The following DAB1 variants were observed in gnomAD, a reference collection of about 807,000 sequenced individuals.
DAB1 encodes disabled homolog 1.
DAB1 carries 15 observed loss-of-function variants against 64.6 expected under a neutral mutation model. That is an observed-to-expected ratio of 0.23 (90% confidence interval 0.16 to 0.36). The LOEUF (loss-of-function observed/expected upper bound fraction) is 0.36. Among genes scored for constraint, DAB1 ranks in the 10% least tolerant of loss-of-function variants. DAB1 has a pLI of 1.00. For synonymous variants in DAB1, 235 were observed against 251.9 expected (o/e 0.93, Z 0.64); for missense variants, 596 against 706.7 (o/e 0.84, Z 1.78).
chr1:57,840,371 A>G (rs1266874717), intron 1 of DAB1, among the ~76,000 whole-genome samples: 1 of 152,226 alleles, frequency 6.6e-6, no homozygotes, highest in Non-Finnish European at 1.5e-5. Context: ...AGTGTATTCC[A>G]GACTGTGAGA....
At chr1:58,349,930 G>A (rs1213939142) in intron 3 of DAB1, among the ~76,000 whole-genome samples, 2 of 152,134 alleles carry the variant, frequency 1.3e-5, no homozygotes, top group African/African-American at 4.8e-5. Context: ...GTGTGCATAT[G>A]TCTTTATAGT....
At chr1:58,365,958 C>T (rs34287588) in intron 3 of DAB1, among the ~76,000 whole-genome samples, 96 of 152,196 alleles carry the variant, frequency 6.3e-4, no homozygotes, top group Non-Finnish European at 8.4e-4. Flanking sequence ...CACTGTCTAG[C>T]GGGCAACGAG....
intron 7 of DAB1, among the ~76,000 whole-genome samples, chr1:57,564,306 C>A (rs1645090112): frequency 6.6e-6 from 1 of 152,100 alleles, no homozygotes; most frequent in Non-Finnish European, 1.5e-5. Flanking sequence ...CATAAAAGAC[C>A]AAAGTTAGAT....
intron 5 of DAB1, among the ~76,000 whole-genome samples, chr1:58,036,582 G>A (rs1271849091): frequency 6.6e-6 from 1 of 152,176 alleles, no homozygotes; most frequent in African/African-American, 2.4e-5. Context: ...CATCATAACA[G>A]TAGTATTGCA....
intron 4 of DAB1, among the ~76,000 whole-genome samples, chr1:57,075,412 T>C (rs1570644305): frequency 6.6e-6 from 1 of 152,226 alleles, no homozygotes; most frequent in African/African-American, 2.4e-5. Flanking sequence ...TCTCTCATAG[T>C]TAATTTTATG....
At chr1:57,154,510 T>C (rs1433785804) in intron 2 of DAB1, among the ~76,000 whole-genome samples, 1 of 152,200 alleles carries the variant, frequency 6.6e-6, no homozygotes, top group Non-Finnish European at 1.5e-5. Flanking sequence ...AACATGAGAG[T>C]GCAGATATCT....
intron 4 of DAB1, among the ~76,000 whole-genome samples, chr1:58,315,684 A>G (rs1042592529): frequency 2.0e-5 from 3 of 152,144 alleles, no homozygotes; most frequent in Non-Finnish European, 4.4e-5. Context: ...GGAAATGTAC[A>G]ATTCCTTTAT....
rs182085363 is a variant in DAB1, at chr1:57,322,157, T to C, written c.-136-30991A>G. On this transcript the variant is annotated intron_variant, in intron 1 of 14. Transcript: ENST00000371236. ...CATGTACTTGCCACATCCTCTTTTC[T>C]CCAGGCATTCATTTGAATATACCTC... Among the ~76,000 whole-genome samples, 7 of 152,290 alleles carry C rather than the reference T, an allele frequency of 4.6e-5. No homozygotes were observed. The East Asian group carries it at 9.7e-4, about 21-fold the overall frequency.
intron 5 of DAB1, among the ~76,000 whole-genome samples, chr1:57,928,153 T>C (rs1040457828): frequency 2.0e-5 from 3 of 152,200 alleles, no homozygotes; most frequent in African/African-American, 7.2e-5. Context: ...GACATATACA[T>C]ACAGCACTTG....
chr1:57,305,876 G>A (rs548853637), intron 1 of DAB1, among the ~76,000 whole-genome samples: 11 of 151,266 alleles, frequency 7.3e-5, no homozygotes, highest in African/African-American at 2.4e-4. Flanking sequence ...GGCTGAGGCA[G>A]GAGAATGGCA....
At chr1:57,902,664 C>T (rs72918599) in intron 5 of DAB1, among the ~76,000 whole-genome samples, 7,708 of 152,136 alleles carry the variant, frequency 0.051, 655 homozygotes, top group African/African-American at 0.18. Context: ...CAGAATAATC[C>T]TCAATTTGAG....
intron 7 of DAB1, among the ~76,000 whole-genome samples, chr1:57,627,336 T>C (rs953827464): frequency 6.6e-6 from 1 of 152,224 alleles, no homozygotes; most frequent in Non-Finnish European, 1.5e-5. Flanking sequence ...TATAATGGTG[T>C]GACCCAATTC....
At chr1:57,193,150 T>C (rs1208277215) in intron 2 of DAB1, among the ~76,000 whole-genome samples, 1 of 152,094 alleles carries the variant, frequency 6.6e-6, no homozygotes, top group African/African-American at 2.4e-5. Context: ...AAAAGAGATG[T>C]CCTGAACTTC....
At chr1:58,513,412 A>ATTAGTTGACT (rs1363647518) in intron 2 of DAB1, among the ~76,000 whole-genome samples, 18 of 152,270 alleles carry the variant, frequency 1.2e-4, no homozygotes, top group African/African-American at 4.3e-4. Context: ...TACAGCAACT[A>ATTAGTTGACT]ATTCAGTCTA....
At chr1:58,159,578 C>T (rs1395463589) in intron 4 of DAB1, among the ~76,000 whole-genome samples, 1 of 152,190 alleles carries the variant, frequency 6.6e-6, no homozygotes, top group Non-Finnish European at 1.5e-5. Context: ...GTACACTCAA[C>T]ATTACTGCAA....
intron 6 of DAB1, among the ~76,000 whole-genome samples, chr1:57,735,621 TTTTTTTTTTTTTAGTTA>T (rs1647653331): frequency 7.5e-6 from 1 of 134,172 alleles, no homozygotes; most frequent in Non-Finnish European, 1.7e-5. Flanking sequence ...TTTTTTTTTT[TTTTTTTTTTTTTAGTTA>T]GAAAATTTCT....
intron 5 of DAB1, among the ~76,000 whole-genome samples, chr1:58,017,506 T>G (rs935604448): frequency 6.6e-6 from 1 of 152,186 alleles, no homozygotes; most frequent in Admixed American, 6.5e-5. Flanking sequence ...CTCTGCCCTG[T>G]CATCTTCCTC....
intron 6 of DAB1, among the ~76,000 whole-genome samples, chr1:57,770,003 C>T (rs980286522): frequency 6.6e-6 from 1 of 152,138 alleles, no homozygotes; most frequent in Admixed American, 6.5e-5. Context: ...TTTCCCCAGA[C>T]ACTGGCTTCT....
chr1:57,482,867 A>G (rs765738354), intron 7 of DAB1, among the ~76,000 whole-genome samples: 1 of 152,210 alleles, frequency 6.6e-6, no homozygotes, highest in Non-Finnish European at 1.5e-5. Flanking sequence ...TCACGTTTAC[A>G]GTCTTTCAAA....
Sources: allele counts gnomAD v4.1 joint callset (sites outside exome capture counted in the v4.1 genomes callset), GRCh38; gene constraint gnomAD v4.1.1; transcripts MANE v1.5; gene names NCBI Gene and HGNC (gene_info 2026-07-23, HGNC 2026-07-21).